The following CEP85L variants were observed in gnomAD, a reference collection of about 807,000 sequenced individuals.
CEP85L encodes centrosomal protein 85L.
A neutral mutation model predicts 100.3 loss-of-function variants in CEP85L; 60 were observed. The ratio of observed to expected loss-of-function variants is 0.60; its 90% CI spans 0.49 to 0.74. The LOEUF (loss-of-function observed/expected upper bound fraction) is 0.74, where lower values mean the gene tolerates loss of function less well. Ranked by LOEUF, CEP85L falls within the 30% of genes least tolerant of loss-of-function variation. CEP85L has a pLI of 0.00. For synonymous variants in CEP85L, 319 were observed against 322.7 expected, an observed-to-expected ratio of 0.99 and a Z score of 0.12; for missense variants, 973 against 936.2, an observed-to-expected ratio of 1.04 and a Z score of -0.51.
At chr6:118,649,177 A>G (rs1775389044) in intron 1 of CEP85L, among the ~76,000 whole-genome samples, 1 of 152,166 alleles carries the variant, frequency 6.6e-6, no homozygotes, top group Non-Finnish European at 1.5e-5. Flanking sequence ...TATTTGCTCA[A>G]AAAGGGAAGA....
At chr6:118,661,405 T>C (rs551646352) in intron 1 of CEP85L, among the ~76,000 whole-genome samples, 2 of 152,266 alleles carry the variant, frequency 1.3e-5, no homozygotes, top group South Asian at 4.1e-4. Flanking sequence ...AATAAGGTAT[T>C]TCAAAATTTG....
At chr6:118,491,961 T>A in intron 5 of CEP85L, 96 bp from the exon 6 acceptor site, 1 of 823,298 alleles carries the variant, frequency 1.2e-6, no homozygotes, top group Non-Finnish European at 1.9e-6. Context: ...GGAGTACATA[T>A]AGGCTACATG....
chr6:118,588,404 T>C (rs1221454738), intron 2 of CEP85L, among the ~76,000 whole-genome samples: 1 of 152,204 alleles, frequency 6.6e-6, no homozygotes, highest in Non-Finnish European at 1.5e-5. Context: ...TTAGCCTTAG[T>C]AGGTAGTAGC....
intron 5 of CEP85L, among the ~76,000 whole-genome samples, chr6:118,508,830 T>C (rs1199895337): frequency 1.3e-5 from 2 of 152,064 alleles, no homozygotes; most frequent in Admixed American, 1.3e-4. Flanking sequence ...AATGTACCTA[T>C]ACAAAATGCT....
At chr6:118,657,075 T>C (rs1775819783), upstream of CEP85L, 1 of 152,246 alleles carries the variant, frequency 6.6e-6, no homozygotes, top group Non-Finnish European at 1.5e-5. Flanking sequence ...CTTACACCCC[T>C]AGTTCCATTT....
intron 2 of CEP85L, among the ~76,000 whole-genome samples, chr6:118,567,410 A>C (rs762158587): frequency 3.3e-5 from 5 of 151,830 alleles, no homozygotes; most frequent in Non-Finnish European, 5.9e-5. Flanking sequence ...ACTTTAGGTC[A>C]GGCCCTCACA....
chr6:118,597,992 T>G (rs372236572), intron 2 of CEP85L, among the ~76,000 whole-genome samples: 5 of 152,186 alleles, frequency 3.3e-5, no homozygotes, highest in Non-Finnish European at 7.3e-5. Context: ...AGCCAAAGCT[T>G]CAAAAAATAA....
At chr6:118,572,720 C>A (rs1243167107) in intron 2 of CEP85L, among the ~76,000 whole-genome samples, 1 of 152,036 alleles carries the variant, frequency 6.6e-6, no homozygotes, top group Non-Finnish European at 1.5e-5. Context: ...GTATCATGTA[C>A]AAGGCATTAT....
chr6:118,665,556 GC>G (rs1776108240), intron 1 of CEP85L, among the ~76,000 whole-genome samples: 1 of 151,632 alleles, frequency 6.6e-6, no homozygotes, highest in African/African-American at 2.4e-5. Flanking sequence ...ATGGGGTTTT[GC>G]CACGTTGCCC....
intron 3 of CEP85L, among the ~76,000 whole-genome samples, chr6:118,542,911 A>AAC (rs1554216858): frequency 1.2e-4 from 18 of 147,222 alleles, no homozygotes; most frequent in South Asian, 2.2e-4. Context: ...AAAAAAAAAA[A>AAC]AAAAAAAAAA....
chr6:118,502,372 A>T (rs2496353), intron 5 of CEP85L: 518,910 of 540,838 alleles, frequency 0.96, 249,003 homozygotes, highest in South Asian at 0.97. Context: ...CCATATGTTA[A>T]GACAGATAGT....
intron 1 of CEP85L, among the ~76,000 whole-genome samples, chr6:118,680,422 A>ACC (rs35446162): frequency 0.45 from 68,330 of 150,702 alleles, 16,095 homozygotes; most frequent in African/African-American, 0.57. Flanking sequence ...TCAAAATTCC[A>ACC]ACCAGTGAAC....
intron 1 of CEP85L, among the ~76,000 whole-genome samples, chr6:118,638,893 A>T (rs1774688483): frequency 1.3e-5 from 2 of 152,194 alleles, no homozygotes; most frequent in Admixed American, 1.3e-4. Context: ...TACAGTATCA[A>T]GTATTCCACA....
At chr6:118,656,704 G>A (rs2115398939), upstream of CEP85L, 1 of 152,256 alleles carries the variant, frequency 6.6e-6, no homozygotes, top group East Asian at 1.9e-4. Flanking sequence ...CATATAATTT[G>A]TAAAGATCAA....
chr6:118,527,742 A>C (rs185836759), intron 3 of CEP85L, among the ~76,000 whole-genome samples: 2 of 152,350 alleles, frequency 1.3e-5, no homozygotes, highest in Admixed American at 1.3e-4. Flanking sequence ...GTGGTGAATT[A>C]TTAAATCTGC....
chr6:118,681,974 A>G (rs952645869), intron 1 of CEP85L, among the ~76,000 whole-genome samples: 1 of 152,116 alleles, frequency 6.6e-6, no homozygotes, highest in Non-Finnish European at 1.5e-5. Context: ...TCCTGACCTC[A>G]GGTGATCCAC....
At chr6:118,465,869 C>T (rs1181600967) in intron 12 of CEP85L, among the ~76,000 whole-genome samples, 1 of 152,184 alleles carries the variant, frequency 6.6e-6, no homozygotes, top group Admixed American at 6.5e-5. Flanking sequence ...TGTCTCTCTT[C>T]AAGCTCAACT....
Position 118,504,499 on chromosome 6 carries a change from C to T in CEP85L, c.1257+6799G>A, listed in dbSNP as rs193148341. ...GGAAGTTCCCTCCTGAAGGGTGGCA[C>T]CCCTGGAGATGGCATGGGATCTCCA... On this transcript the variant is annotated intron_variant, in intron 5 of 12. Coordinates refer to ENST00000368491, the MANE Select transcript of CEP85L (RefSeq NM_001042475.3). 4.1e-3 allele frequency among the ~76,000 whole-genome samples: 617 copies of T among 152,266 alleles called. 4 individuals are homozygous for T. Among genetic ancestry groups the T allele is most frequent in the Non-Finnish European group, 5.1e-3 (344 of 68,000 alleles).
chr6:118,504,799 C>G (rs1382750564), intron 5 of CEP85L, among the ~76,000 whole-genome samples: 5 of 152,100 alleles, frequency 3.3e-5, no homozygotes, highest in African/African-American at 1.2e-4. Flanking sequence ...TCTACACATA[C>G]AGTGTCAGGA....
Sources: allele counts gnomAD v4.1 joint callset (sites outside exome capture counted in the v4.1 genomes callset), GRCh38; gene constraint gnomAD v4.1.1; transcripts MANE v1.5; gene names NCBI Gene and HGNC (gene_info 2026-07-23, HGNC 2026-07-21).